Variants in SDK1 observed in about 807,000 individuals in gnomAD.
The protein encoded by SDK1 is protein sidekick-1.
A neutral mutation model predicts 245.5 loss-of-function variants in SDK1; 157 were observed. The observed-to-expected ratio is 0.64, with a 90% confidence interval of 0.56 to 0.73. The LOEUF is 0.73. SDK1 is among the 30% of genes least tolerant of loss of function. The probability of loss-of-function intolerance (pLI) is 0.00; values close to 1 mark genes in which losing one functional copy is unlikely to be tolerated. For missense variants in SDK1, 3,583 were observed against 3,002.3 expected (o/e 1.19, Z -4.52); for synonymous variants, 1,647 against 1,278.5 (o/e 1.29, Z -6.15).
At chr7:3,375,586 G>C (rs1342018747) in intron 1 of SDK1, among the ~76,000 whole-genome samples, 1 of 152,144 alleles carries the variant, frequency 6.6e-6, no homozygotes, top group South Asian at 2.1e-4. Context: ...CCTCTGTCTT[G>C]TGCTCCCTTG....
At chr7:3,807,225 G>C (rs983652419) in intron 4 of SDK1, among the ~76,000 whole-genome samples, 2 of 152,148 alleles carry the variant, frequency 1.3e-5, no homozygotes, top group Non-Finnish European at 2.9e-5. Context: ...TAGCGGGACT[G>C]ACAGCTGCCT....
intron 44 of SDK1, among the ~76,000 whole-genome samples, chr7:4,255,986 C>T (rs1263149518): frequency 7.3e-6 from 1 of 136,596 alleles, no homozygotes; most frequent in Non-Finnish European, 1.5e-5. Flanking sequence ...GTGGTGCGAT[C>T]TCAGCTCACT....
chr7:4,131,103 G>A (rs1206525149), intron 27 of SDK1, among the ~76,000 whole-genome samples: 1 of 152,154 alleles, frequency 6.6e-6, no homozygotes, highest in Non-Finnish European at 1.5e-5. Flanking sequence ...TGTGGGTGTT[G>A]TTTCCTTGCA....
chr7:4,030,248 G>C (rs571005095), intron 17 of SDK1, among the ~76,000 whole-genome samples: 7 of 152,370 alleles, frequency 4.6e-5, no homozygotes, highest in African/African-American at 1.7e-4. Context: ...TCCTATCATA[G>C]TCAAGTCCAG....
intron 14 of SDK1, among the ~76,000 whole-genome samples, chr7:3,999,286 G>A (rs148026134): frequency 4.6e-5 from 7 of 152,150 alleles, no homozygotes; most frequent in East Asian, 1.9e-4. Context: ...TGCAAATTGC[G>A]CATCCACTCC....
At chr7:3,470,633 C>G (rs988288643) in intron 1 of SDK1, among the ~76,000 whole-genome samples, 1 of 151,988 alleles carries the variant, frequency 6.6e-6, no homozygotes, top group African/African-American at 2.4e-5. Context: ...GGACAGGAAA[C>G]AAAAGGAAAA....
In SDK1 at chr7:4,212,718, G is replaced by A. The variant is rs569283043; in HGVS notation, c.5539+2556G>A. On this transcript the variant is annotated intron_variant, in intron 38 of 44. Transcript: ENST00000404826. ...AGTAGAGAATTTTGGAGACACACACGGGTTCCATGAGCCTGTGTTACAAAT... is the reference window on the plus strand; with the variant it reads ...AGTAGAGAATTTTGGAGACACACACAGGTTCCATGAGCCTGTGTTACAAAT... Among the ~76,000 whole-genome samples the A allele has an allele frequency of 1.1e-4, 17 of 152,292 alleles. No individual in the cohort carries two copies. The East Asian group carries it at 2.1e-3, about 19-fold the overall frequency.
At chr7:4,065,694 G>GTTGT (rs1779841876) in intron 19 of SDK1, among the ~76,000 whole-genome samples, 1 of 66,720 alleles carries the variant, frequency 1.5e-5, no homozygotes, top group African/African-American at 3.4e-5. Context: ...AGTGGTTGTT[G>GTTGT]TTTTTTTTTT....
intron 1 of SDK1, among the ~76,000 whole-genome samples, chr7:3,455,612 C>A (rs953743797): frequency 6.6e-6 from 1 of 152,212 alleles, no homozygotes; most frequent in Admixed American, 6.5e-5. Flanking sequence ...GTCTTTCTGG[C>A]TTCTCTACTC....
intron 5 of SDK1, among the ~76,000 whole-genome samples, chr7:3,910,986 T>C (rs1292514788): frequency 6.6e-6 from 1 of 152,176 alleles, no homozygotes; most frequent in African/African-American, 2.4e-5. Flanking sequence ...CTGCCTGCTC[T>C]TCTGGGCATT....
intron 14 of SDK1, among the ~76,000 whole-genome samples, chr7:4,000,411 G>T (rs1172370215): frequency 6.6e-6 from 1 of 152,152 alleles, no homozygotes; most frequent in African/African-American, 2.4e-5. Flanking sequence ...CTAGCTTTTG[G>T]AGCACGTTCT....
chr7:3,446,008 A>G (rs1583868965), intron 1 of SDK1, among the ~76,000 whole-genome samples: 1 of 152,046 alleles, frequency 6.6e-6, no homozygotes, highest in Admixed American at 6.6e-5. Flanking sequence ...TGCCAAGGAT[A>G]ATTTTGCTGG....
chr7:3,948,897 C>T (rs1388347706), intron 5 of SDK1, among the ~76,000 whole-genome samples: 1 of 152,212 alleles, frequency 6.6e-6, no homozygotes, highest in African/African-American at 2.4e-5. Flanking sequence ...AATGACCTTT[C>T]AGCATTAGCC....
chr7:3,902,055 T>C (rs1043098694), intron 5 of SDK1, among the ~76,000 whole-genome samples: 29 of 152,300 alleles, frequency 1.9e-4, no homozygotes, highest in African/African-American at 6.5e-4. Context: ...GCCCCAGCCC[T>C]GGAATCAGCC....
At chr7:3,326,758 T>G (rs938518436) in intron 1 of SDK1, among the ~76,000 whole-genome samples, 1 of 152,190 alleles carries the variant, frequency 6.6e-6, no homozygotes, top group African/African-American at 2.4e-5. Context: ...TTAAGTAATT[T>G]CAACTCATGG....
At chr7:3,800,600 G>C (rs1308812325) in intron 4 of SDK1, among the ~76,000 whole-genome samples, 1 of 152,032 alleles carries the variant, frequency 6.6e-6, no homozygotes, top group African/African-American at 2.4e-5. Context: ...TTGATCTCCT[G>C]ACCTCATGAT....
Position 3,639,022 on chromosome 7 carries a change from G to A in SDK1, c.477G>A (p.Leu159=), listed in dbSNP as rs760351745. 1 of 1,601,834 alleles carries A rather than the reference G, an allele frequency of 6.2e-7. No homozygotes were observed. The highest frequency in any genetic ancestry group is 8.5e-7 in the Non-Finnish European group (1 of 1,170,940). ...SSEYKYIIPS[L]QKLDAGFYRC... ...TCAACAGGTACATTATTCCATCTTT[G>A]CAGAAGCTCGATGCTGGGTTTTACC... Residue 159 remains leucine (L), a synonymous_variant, in exon 3 of 45, where the codon TTG becomes TTA. Coordinates refer to ENST00000404826, the MANE Select transcript of SDK1 (RefSeq NM_152744.4).
chr7:3,357,318 T>A (rs1780825429), intron 1 of SDK1, among the ~76,000 whole-genome samples: 1 of 142,736 alleles, frequency 7.0e-6, no homozygotes, highest in Non-Finnish European at 1.5e-5. Flanking sequence ...CTTGCTCCCC[T>A]TCTTTTAGTG....
chr7:3,783,620 G>C (rs938598728), intron 4 of SDK1, among the ~76,000 whole-genome samples: 2 of 152,124 alleles, frequency 1.3e-5, no homozygotes, highest in Admixed American at 1.3e-4. Flanking sequence ...ATTTACAACA[G>C]CTACGAAAAT....
Sources: allele counts gnomAD v4.1 joint callset (sites outside exome capture counted in the v4.1 genomes callset), GRCh38; gene constraint gnomAD v4.1.1; transcripts MANE v1.5; gene names NCBI Gene and HGNC (gene_info 2026-07-23, HGNC 2026-07-21).